The following ANXA3 variants were observed in gnomAD, a reference collection of about 807,000 sequenced individuals.
ANXA3 encodes annexin A3, also known as 35-alpha calcimedin.
Under a neutral mutation model 48.8 loss-of-function variants are expected in ANXA3, and 46 were observed. The ratio of observed to expected loss-of-function variants is 0.94; its 90% CI spans 0.74 to 1.21. ANXA3 has a LOEUF of 1.21. Ranked by LOEUF, ANXA3 falls within the 50% of genes most tolerant of loss-of-function variation. ANXA3 has a pLI of 0.00. For synonymous variants in ANXA3, 128 were observed against 134.7 expected (o/e 0.95, Z 0.35); for missense variants, 383 against 378.6 (o/e 1.01, Z -0.10).
chr4:78,578,479 A>G (rs1038083340), intron 3 of ANXA3, among the ~76,000 whole-genome samples: 1 of 152,126 alleles, frequency 6.6e-6, no homozygotes, highest in Non-Finnish European at 1.5e-5. Context: ...TTTGGGTTCA[A>G]CTTCTTGCTG....
intron 2 of ANXA3, among the ~76,000 whole-genome samples, chr4:78,567,846 A>G (rs1174301722): frequency 6.6e-6 from 1 of 152,230 alleles, no homozygotes; most frequent in African/African-American, 2.4e-5. Context: ...CTTTTAGGCA[A>G]ATGGAGGAAA....
At chr4:78,599,283 T>C (rs1225944564) in intron 10 of ANXA3, among the ~76,000 whole-genome samples, 8 of 152,220 alleles carry the variant, frequency 5.3e-5, no homozygotes, top group Admixed American at 5.2e-4. Flanking sequence ...ACAGTCACTT[T>C]CCAATCCTCC....
At chr4:78,591,379 A>T (rs1294714234) in intron 6 of ANXA3, among the ~76,000 whole-genome samples, 165 bp from the exon 7 acceptor site, 1 of 152,258 alleles carries the variant, frequency 6.6e-6, no homozygotes, top group Non-Finnish European at 1.5e-5. Flanking sequence ...TACAAGAAGA[A>T]TGTACCATCT....
At chr4:78,568,186 C>A (rs904865174) in intron 2 of ANXA3, among the ~76,000 whole-genome samples, 1 of 152,230 alleles carries the variant, frequency 6.6e-6, no homozygotes, top group African/African-American at 2.4e-5. Context: ...CCCATAACAC[C>A]TGCCTCACTT....
At chr4:78,595,766 GTC>G in intron 8 of ANXA3, 26 bp from the exon 9 acceptor site, 1 of 1,389,904 alleles carries the variant, frequency 7.2e-7, no homozygotes, top group Non-Finnish European at 1.0e-6. Flanking sequence ...AAATAATTGT[GTC>G]TCTAATATCA....
At chr4:78,602,979 G>T (rs1402409223) in intron 11 of ANXA3, 1 of 152,334 alleles carries the variant, frequency 6.6e-6, no homozygotes, top group Non-Finnish European at 1.5e-5. Context: ...TCATCCTCTA[G>T]ATCTTTACCT....
At chr4:78,564,015 A>G (rs1037584662) in intron 2 of ANXA3, among the ~76,000 whole-genome samples, 10 of 152,242 alleles carry the variant, frequency 6.6e-5, no homozygotes, top group African/African-American at 2.2e-4. Context: ...TTGTAGAACA[A>G]AGAGATAATC....
At chr4:78,560,450 G>C (rs569750275) in intron 2 of ANXA3, among the ~76,000 whole-genome samples, 9 of 152,312 alleles carry the variant, frequency 5.9e-5, no homozygotes, top group Admixed American at 3.3e-4. Context: ...CCATGGGCAA[G>C]CTCTGGAAGG....
chr4:78,595,601 T>C (rs1214303260), intron 8 of ANXA3, among the ~76,000 whole-genome samples, 164 bp downstream of exon 8: 2 of 152,076 alleles, frequency 1.3e-5, no homozygotes, highest in Non-Finnish European at 2.9e-5. Context: ...ACCCTAACTT[T>C]TTGCCTGCCC....
chr4:78,591,427 A>G, intron 6 of ANXA3, 117 bp from the exon 7 acceptor site: 1 of 680,036 alleles, frequency 1.5e-6, no homozygotes, highest in Non-Finnish European at 2.6e-6. Flanking sequence ...ATAAAAGGGC[A>G]AGATTTATCT....
intron 5 of ANXA3, among the ~76,000 whole-genome samples, chr4:78,583,089 A>G (rs1373886572): frequency 1.3e-5 from 2 of 152,190 alleles, no homozygotes; most frequent in Non-Finnish European, 2.9e-5. Flanking sequence ...CTGTAATCCC[A>G]ATACTTTGGG....
chr4:78,565,353 G>C (rs1722710076), intron 2 of ANXA3, among the ~76,000 whole-genome samples: 1 of 152,338 alleles, frequency 6.6e-6, no homozygotes, highest in Non-Finnish European at 1.5e-5. Context: ...AGGAAGTAGA[G>C]AGGAACATGA....
At position 78,597,324 on chromosome 4, in the gene ANXA3, G is replaced by A. The variant is rs1394675400; in HGVS notation, c.640G>A (p.Asp214Asn). ...TTTGTGGTGCTTCTTTTTAGCATTTGATGAATACAGAAATATCAGCCAAAA... is the reference window on the plus strand; with the variant it reads ...TTTGTGGTGCTTCTTTTTAGCATTTAATGAATACAGAAATATCAGCCAAAA... ...RSFPQLKLTFDEYRNISQKDI... is the reference protein window; with the variant it reads ...RSFPQLKLTFNEYRNISQKDI... The change falls in exon 10 of 13, where the codon GAT (aspartate) becomes AAT (asparagine). Residue 214 changes from aspartate to asparagine, a missense_variant. Transcript: ENST00000264908. 6.2e-7 allele frequency: 1 copy of A among 1,601,512 alleles called. No homozygotes were observed. The highest frequency in any genetic ancestry group is 1.7e-5 in the Admixed American group (1 of 58,740).
chr4:78,568,791 G>A (rs1380376866), intron 2 of ANXA3, among the ~76,000 whole-genome samples: 1 of 152,156 alleles, frequency 6.6e-6, no homozygotes, highest in African/African-American at 2.4e-5. Context: ...GCTTCAAGGT[G>A]TCATGTGCTA....
At chr4:78,567,184 T>C (rs1722749720) in intron 2 of ANXA3, among the ~76,000 whole-genome samples, 1 of 152,242 alleles carries the variant, frequency 6.6e-6, no homozygotes, top group Non-Finnish European at 1.5e-5. Flanking sequence ...CCAGTATTTT[T>C]CTCTGGCCTT....
At chr4:78,596,669 G>A (rs1723429800) in intron 9 of ANXA3, among the ~76,000 whole-genome samples, 1 of 152,312 alleles carries the variant, frequency 6.6e-6, no homozygotes, top group Admixed American at 6.5e-5. Flanking sequence ...GTATGTGATA[G>A]TTGCTTTATT....
chr4:78,565,437 C>T (rs80178549), intron 2 of ANXA3, among the ~76,000 whole-genome samples: 133 of 152,276 alleles, frequency 8.7e-4, no homozygotes, highest in African/African-American at 3.0e-3. Context: ...TGGGGAGGAG[C>T]GCCCATGCGA....
chr4:78,591,702 C>G lies in ANXA3; in HGVS notation c.483+79C>G, dbSNP rs577559417. Reference sequence around the variant, plus strand: ...CAATTTTTAGGGAGTTTAAAAATAACCAAACTGAGACAATGAGTTCACAAT... The same window carrying G: ...CAATTTTTAGGGAGTTTAAAAATAAGCAAACTGAGACAATGAGTTCACAAT... On this transcript the variant is annotated intron_variant, in intron 7 of 12. Transcript: ENST00000264908. 5.1e-4 allele frequency: 520 copies of G among 1,025,394 alleles called. No homozygotes were observed. In the African/African-American group the frequency reaches 7.9e-3, roughly 16 times the overall value. 63.5% of individuals were successfully genotyped at this position (1,025,394 alleles called of 1,614,324 possible).
At chr4:78,571,752 G>C (rs529940199) in intron 2 of ANXA3, among the ~76,000 whole-genome samples, 18 of 152,310 alleles carry the variant, frequency 1.2e-4, no homozygotes, top group African/African-American at 3.6e-4. Flanking sequence ...CTTTGTGGCT[G>C]TCCTTCTTTA....
Sources: allele counts gnomAD v4.1 joint callset (sites outside exome capture counted in the v4.1 genomes callset), GRCh38; gene constraint gnomAD v4.1.1; transcripts MANE v1.5; gene names NCBI Gene and HGNC (gene_info 2026-07-23, HGNC 2026-07-21).